CHL1: variants seen among roughly 807,000 people sequenced by gnomAD.
The protein encoded by CHL1 is neural cell adhesion molecule L1-like protein.
CHL1 carries 96 observed loss-of-function variants against 141.9 expected under a neutral mutation model. The ratio of observed to expected loss-of-function variants is 0.68; its 90% CI spans 0.57 to 0.80. The LOEUF (loss-of-function observed/expected upper bound fraction) is 0.80, where lower values mean the gene tolerates loss of function less well. CHL1 is among the 30% of genes least tolerant of loss of function. CHL1 has a pLI of 0.00. For synonymous variants in CHL1, 613 were observed against 502.2 expected, an observed-to-expected ratio of 1.22 and a Z score of -2.95; for missense variants, 1,820 against 1,457.2, an observed-to-expected ratio of 1.25 and a Z score of -4.05.
At chr3:396,415 G>A (rs1256880867) in intron 24 of CHL1, among the ~76,000 whole-genome samples, 2 of 152,160 alleles carry the variant, frequency 1.3e-5, no homozygotes, top group Admixed American at 6.5e-5. Flanking sequence ...CATGTGAAAT[G>A]CTGATCCCAT....
chr3:405,611 G>T lies in CHL1; in HGVS notation c.3575G>T (p.Ser1192Ile), dbSNP rs141163165. The T allele has an allele frequency of 1.2e-6, 2 of 1,613,480 alleles. No individual in the cohort carries two copies. Among genetic ancestry groups the T allele is most frequent in the African/African-American group, 2.7e-5 (2 of 74,996 alleles). Residue 1192 changes from serine to isoleucine, a missense_variant, in exon 28 of 28, where the codon AGT becomes ATT. Transcript: ENST00000256509. ...GGAGAGGGAGACCATGGTCTCTTCA[G>T]TGAAGATGGATCATTTATTGGTGCC... The part of the protein sequence containing the change: ...EYGEGDHGLF[S>I]EDGSFIGAYA...
At chr3:399,268 A>G (rs762169926) in intron 26 of CHL1, 120 bp downstream of exon 26, 1 of 716,118 alleles carries the variant, frequency 1.4e-6, no homozygotes, top group Non-Finnish European at 2.4e-6. Flanking sequence ...AGCAAGTTAG[A>G]TGTACAATGC....
chr3:349,330 ATGTT>A, intron 9 of CHL1, 25 bp from the exon 10 acceptor site: 1 of 1,575,278 alleles, frequency 6.3e-7, no homozygotes, highest in Non-Finnish European at 8.6e-7. Context: ...TTTTAAAAAA[ATGTT>A]TATTTATTTA....
chr3:391,138 A>G lies in CHL1; in HGVS notation c.2770A>G (p.Ile924Val), dbSNP rs775849074. The change falls in exon 22 of 28, where the codon ATA becomes GTA. Residue 924 changes from isoleucine to valine, a missense_variant. Ile to Val is a conservative substitution (Grantham distance 29). Coordinates refer to ENST00000256509, the MANE Select transcript of CHL1 (RefSeq NM_006614.4). ...AGCTGGTCCTGAAAGTGAGCCTTAT[A>G]TATTTCAAACACCAGAAGGAGGTGA... ...KGAGPESEPY[I>V]FQTPEGVPEQ... is the part of the protein sequence containing the mutation. 1 of 1,612,834 alleles carries G rather than the reference A, an allele frequency of 6.2e-7. No homozygotes were observed. Among genetic ancestry groups the G allele is most frequent in the Non-Finnish European group, 8.5e-7 (1 of 1,178,894 alleles).
At chr3:378,046 A>G in intron 16 of CHL1, 104 bp downstream of exon 16, 2 of 988,930 alleles carry the variant, frequency 2.0e-6, no homozygotes, top group Middle Eastern at 2.3e-4. Context: ...CCCTGCACAT[A>G]TATTGTTAGT....
chr3:260,619 C>T (rs1407758528), intron 2 of CHL1, among the ~76,000 whole-genome samples: 1 of 152,166 alleles, frequency 6.6e-6, no homozygotes, highest in Non-Finnish European at 1.5e-5. Context: ...GCTTACCAAA[C>T]AAGACCCAGG....
chr3:249,073 C>G (rs895143727), intron 2 of CHL1, among the ~76,000 whole-genome samples: 2 of 152,206 alleles, frequency 1.3e-5, no homozygotes, highest in Admixed American at 6.6e-5. Flanking sequence ...ACACAAATCA[C>G]AGACATCTCT....
intron 2 of CHL1, among the ~76,000 whole-genome samples, chr3:287,845 A>C (rs1055362549): frequency 1.7e-4 from 26 of 151,836 alleles, no homozygotes; most frequent in Admixed American, 3.3e-4. Flanking sequence ...AGTTCACTGC[A>C]ACCTCCGCCT....
At chr3:332,235 T>A (rs535454466) in intron 5 of CHL1, among the ~76,000 whole-genome samples, 6 of 152,282 alleles carry the variant, frequency 3.9e-5, no homozygotes, top group Admixed American at 1.3e-4. Flanking sequence ...CAATAGTAAA[T>A]AAAACGTCAA....
At chr3:339,308 A>G (rs1352841726) in intron 5 of CHL1, among the ~76,000 whole-genome samples, 2 of 152,240 alleles carry the variant, frequency 1.3e-5, no homozygotes, top group Non-Finnish European at 2.9e-5. Flanking sequence ...ATCAAAGCCG[A>G]GGCTTTACCA....
At chr3:235,272 C>G (rs957494066) in intron 1 of CHL1, among the ~76,000 whole-genome samples, 2 of 151,764 alleles carry the variant, frequency 1.3e-5, no homozygotes, top group Non-Finnish European at 2.9e-5. Flanking sequence ...TTAAGGTTAT[C>G]AAAATTATAA....
intron 11 of CHL1, among the ~76,000 whole-genome samples, chr3:359,369 T>C (rs1704003536): frequency 6.6e-6 from 1 of 152,070 alleles, no homozygotes; most frequent in Non-Finnish European, 1.5e-5. Context: ...AGTGGCGAGA[T>C]CTTGGCTCAC....
chr3:280,012 T>A (rs1400608260), intron 2 of CHL1, among the ~76,000 whole-genome samples: 1 of 152,148 alleles, frequency 6.6e-6, no homozygotes, highest in Admixed American at 6.5e-5. Flanking sequence ...TAACTGCTGA[T>A]TATGGTTATG....
chr3:252,801 G>T (rs73005672), intron 2 of CHL1, among the ~76,000 whole-genome samples: 12,580 of 151,898 alleles, frequency 0.083, 947 homozygotes, highest in East Asian at 0.38. Flanking sequence ...CCTTCCATTT[G>T]TTTCTTATAA....
intron 2 of CHL1, chr3:247,459 C>T (rs1693274493): frequency 6.6e-6 from 1 of 151,994 alleles, no homozygotes; most frequent in Non-Finnish European, 1.5e-5. Flanking sequence ...TTATTTTCAT[C>T]ATTACCTCTG....
chr3:299,822 G>A (rs1027403846), intron 2 of CHL1, among the ~76,000 whole-genome samples: 2 of 152,038 alleles, frequency 1.3e-5, no homozygotes, highest in Admixed American at 6.6e-5. Context: ...GTGCCTCTGC[G>A]AACACCCACA....
At chr3:250,168 T>C (rs1693558709) in intron 2 of CHL1, among the ~76,000 whole-genome samples, 1 of 152,040 alleles carries the variant, frequency 6.6e-6, no homozygotes, top group Non-Finnish European at 1.5e-5. Context: ...TCACACTATG[T>C]TGCCCAGGCT....
intron 2 of CHL1, among the ~76,000 whole-genome samples, chr3:299,055 A>C (rs769053947): frequency 2.6e-5 from 4 of 152,206 alleles, no homozygotes; most frequent in African/African-American, 4.8e-5. Flanking sequence ...GAGTATACTT[A>C]TTCTGCTGAC....
intron 22 of CHL1, among the ~76,000 whole-genome samples, chr3:391,361 C>T (rs1006709585): frequency 2.0e-5 from 3 of 152,016 alleles, no homozygotes; most frequent in Non-Finnish European, 2.9e-5. Context: ...ATCAAAAATA[C>T]AAAAATTAGC....
Sources: gnomAD v4.1 joint callset for allele counts (sites outside exome capture counted in the v4.1 genomes callset) on GRCh38, gnomAD v4.1.1 for gene constraint, MANE v1.5 for transcripts, NCBI Gene and HGNC (gene_info 2026-07-23, HGNC 2026-07-21) for gene names.